Variants in BRIP1 observed in about 807,000 individuals in gnomAD.
BRIP1 encodes the protein BRCA1 interacting DNA helicase 1.
Under a neutral mutation model 119.7 loss-of-function variants are expected in BRIP1, and 88 were observed. That is an observed-to-expected ratio of 0.74 (90% CI 0.62 to 0.88). The LOEUF (loss-of-function observed/expected upper bound fraction) is 0.88, where lower values mean the gene tolerates loss of function less well. BRIP1 is among the 40% of genes least tolerant of loss of function. The pLI, the probability that BRIP1 is intolerant of heterozygous loss-of-function variation, is 0.00. For synonymous variants in BRIP1, 443 were observed against 496.5 expected, an observed-to-expected ratio of 0.89 and a Z score of 1.43; for missense variants, 1,259 against 1,455.4, an observed-to-expected ratio of 0.87 and a Z score of 2.20.
At position 61,754,873 on chromosome 17, in the gene BRIP1, C is replaced by G. The variant is rs2077179507; in HGVS notation, c.2098-10282G>C. ...CTAATCCTATCAGATAAGGAAGGCC[C>G]TTACAGCCTCATTTAACCGCAATTA... is the stretch of plus-strand genomic sequence containing the variant. On this transcript the variant is annotated intron_variant, in intron 14 of 19. Transcript: ENST00000259008. The surrounding 1 kb of genome is among the most constrained non-coding windows in gnomAD (Gnocchi z 4.1). 6.6e-6 allele frequency among the ~76,000 whole-genome samples: 1 copy of G among 152,090 alleles called. No homozygotes were observed. Among genetic ancestry groups the G allele is most frequent in the Admixed American group, 6.6e-5 (1 of 15,250 alleles).
chr17:61,857,372 A>G lies in BRIP1; in HGVS notation c.206-141T>C. 1 of 700,968 alleles carries G rather than the reference A, an allele frequency of 1.4e-6. No homozygotes were observed. The highest frequency in any genetic ancestry group is 1.8e-5 in the African/African-American group (1 of 56,000). The allele number at this position is 700,968 out of a possible 1,614,324, so 43.4% of individuals were successfully genotyped here. A position where few individuals can be genotyped will look rare whatever the true frequency, so the allele number is the denominator to read the frequency against. Reference sequence around the variant, plus strand: ...CTAACACCAGGAAGGTACCTGGCAAACCTGGACAAGCTGGTCACTTTATCT... The same window carrying G: ...CTAACACCAGGAAGGTACCTGGCAAGCCTGGACAAGCTGGTCACTTTATCT... On this transcript the variant is annotated intron_variant, in intron 3 of 19. Coordinates refer to ENST00000259008, the MANE Select transcript of BRIP1 (RefSeq NM_032043.3). The surrounding 1 kb of genome is among the most constrained non-coding windows in gnomAD (Gnocchi z 5.1).
rs2077544200 is a variant in BRIP1 at position 61,776,976 on chromosome 17, A to G, written c.1936-414T>C. Among the ~76,000 whole-genome samples the G allele has an allele frequency of 6.6e-6, 1 of 152,228 alleles. No individual in the cohort carries two copies. The highest frequency in any genetic ancestry group is 2.4e-5 in the African/African-American group (1 of 41,468). On this transcript the variant is annotated intron_variant, in intron 13 of 19. Transcript: ENST00000259008. The surrounding 1 kb of genome is among the most constrained non-coding windows in gnomAD (Gnocchi z 5.0). ...TTGCCATAGGCAAGTCTCAAAAATG[A>G]CAGGAACTACTCTTTCAAAAATTCA...
At chr17:61,784,127 A>G in intron 11 of BRIP1, 143 bp downstream of exon 11, 1 of 721,450 alleles carries the variant, frequency 1.4e-6, no homozygotes. Flanking sequence ...TGTGTCAATA[A>G]GAGCAAATAT....
Position 61,790,784 on chromosome 17 carries a change from G to A in BRIP1, c.1473+2813C>T, listed in dbSNP as rs114370899. 4.1e-3 allele frequency among the ~76,000 whole-genome samples: 623 copies of A among 151,594 alleles called. 1 individual carries two copies. The highest frequency in any genetic ancestry group is 0.012 in the African/African-American group (500 of 41,342). ...CCTCCCAAGTAGCTGGGACTACAGC[G>A]CATGCCACCACACCAGCTAATTTTT... is the stretch of plus-strand genomic sequence containing the variant. On this transcript the variant is annotated intron_variant, in intron 10 of 19. Transcript: ENST00000259008.
At position 61,794,641 on chromosome 17, in the gene BRIP1, T is replaced by G. The variant is rs1173829325; in HGVS notation, c.1341-912A>C. Among the ~76,000 whole-genome samples the G allele has an allele frequency of 2.0e-5, 3 of 151,368 alleles. No homozygotes were observed. The highest frequency in any genetic ancestry group is 2.9e-5 in the Non-Finnish European group (2 of 67,870). On this transcript the variant is annotated intron_variant, in intron 9 of 19. Coordinates refer to ENST00000259008, the MANE Select transcript of BRIP1 (RefSeq NM_032043.3). This position sits in a 1 kb window ranked among gnomAD's most constrained non-coding sequence, Gnocchi z 4.3. ...ATGTACAACAAACCCCCATAACATG[T>G]TTACCTGTATAACAAACCTGCACAT...
In BRIP1 at chr17:61,686,015, A is replaced by G. The variant is rs770966270; in HGVS notation, c.2726T>C (p.Leu909Pro). 1 of 1,614,026 alleles carries G rather than the reference A, an allele frequency of 6.2e-7. No homozygotes were observed. The highest frequency in any genetic ancestry group is 8.5e-7 in the Non-Finnish European group (1 of 1,179,946). The change falls in exon 19 of 20, where the codon CTT (leucine) becomes CCT (proline). Residue 909 changes from leucine to proline, a missense_variant. This residue lies in a region of BRIP1 where 753 missense variants were observed against 891.8 expected (regional missense o/e 0.84). Coordinates refer to ENST00000259008, the MANE Select transcript of BRIP1 (RefSeq NM_032043.3). The surrounding 1 kb of genome is among the most constrained non-coding windows in gnomAD (Gnocchi z 5.4). ...RTNIQDNESTLEVTSLKYSTS... is the reference protein window; with the variant it reads ...RTNIQDNESTPEVTSLKYSTS... Reference sequence around the variant, plus strand: ...ACTGTACTTTAAAGAGGTCACTTCAAGTGTAGACTCATTGTCCTGTATATT... The same window carrying G: ...ACTGTACTTTAAAGAGGTCACTTCAGGTGTAGACTCATTGTCCTGTATATT...
At chr17:61,728,001 G>T (rs1359098086) in intron 16 of BRIP1, among the ~76,000 whole-genome samples, 2 of 151,622 alleles carry the variant, frequency 1.3e-5, no homozygotes, top group Non-Finnish European at 2.9e-5. Flanking sequence ...GCTAATTTTT[G>T]TATTTTTAGT....
In BRIP1 at chr17:61,808,374, G is replaced by T; in HGVS notation, c.918+93C>A. The T allele has an allele frequency of 7.5e-7, 1 of 1,326,474 alleles. No homozygotes were observed. The highest frequency in any genetic ancestry group is 1.1e-6 in the Non-Finnish European group (1 of 936,204). 82.2% of individuals were successfully genotyped at this position (1,326,474 alleles called of 1,614,324 possible). ...GCAGTTAATTTGATTTTCCGAAGTT[G>T]ATTATCACTAAAATGTACATATAAA... On this transcript the variant is annotated intron_variant, in intron 7 of 19. Transcript: ENST00000259008. This position sits in a 1 kb window ranked among gnomAD's most constrained non-coding sequence, Gnocchi z 4.1.
rs2078858588 is a variant in BRIP1 at position 61,853,983 on chromosome 17, G to A, written c.379+3075C>T. ...ATACTGCCACATGCCTATTAGAGTA[G>A]CTAAAATTAAGGCCAGGTATGGTGG... is the stretch of plus-strand genomic sequence containing the variant. On this transcript the variant is annotated intron_variant, in intron 4 of 19. Transcript: ENST00000259008. This position sits in a 1 kb window ranked among gnomAD's most constrained non-coding sequence, Gnocchi z 4.3. Among the ~76,000 whole-genome samples the A allele has an allele frequency of 6.6e-6, 1 of 152,110 alleles. No individual in the cohort carries two copies. The highest frequency in any genetic ancestry group is 6.6e-5 in the Admixed American group (1 of 15,266).
Position 61,717,451 on chromosome 17 carries a change from T to A in BRIP1, c.2380-1388A>T, listed in dbSNP as rs2061897489. Among the ~76,000 whole-genome samples, 1 of 152,140 alleles carries A rather than the reference T, an allele frequency of 6.6e-6. No individual in the cohort carries two copies. Among genetic ancestry groups the A allele is most frequent in the African/African-American group, 2.4e-5 (1 of 41,442 alleles). Reference sequence around the variant, plus strand: ...GCAATGAGTTCTTTCAACTTTTCTTTTTCTGAAAAGACTTCACTATCTTCA... The same window carrying A: ...GCAATGAGTTCTTTCAACTTTTCTTATTCTGAAAAGACTTCACTATCTTCA... On this transcript the variant is annotated intron_variant, in intron 16 of 19. Transcript: ENST00000259008. The surrounding 1 kb of genome is among the most constrained non-coding windows in gnomAD (Gnocchi z 4.1).
At position 61,795,329 on chromosome 17, in the gene BRIP1, C is replaced by T. The variant is rs182903156; in HGVS notation, c.1341-1600G>A. 3.3e-5 allele frequency among the ~76,000 whole-genome samples: 5 copies of T among 151,970 alleles called. No individual in the cohort carries two copies. In the East Asian group the frequency reaches 9.7e-4, roughly 29 times the overall value. ...CACTGTTGTGCTATCAAATACTAGG[C>T]CTTATTCATTCATTCTATTTTTCTT... On this transcript the variant is annotated intron_variant, in intron 9 of 19. Coordinates refer to ENST00000259008, the MANE Select transcript of BRIP1 (RefSeq NM_032043.3). The surrounding 1 kb of genome is among the most constrained non-coding windows in gnomAD (Gnocchi z 5.6).
chr17:61,862,272 T>C lies in BRIP1; in HGVS notation c.-30-703A>G, dbSNP rs1168338583. Among the ~76,000 whole-genome samples the C allele has an allele frequency of 6.6e-6, 1 of 152,232 alleles. No homozygotes were observed. Among genetic ancestry groups the C allele is most frequent in the Non-Finnish European group, 1.5e-5 (1 of 68,038 alleles). On this transcript the variant is annotated intron_variant, in intron 1 of 19. Transcript: ENST00000259008. The surrounding 1 kb of genome is among the most constrained non-coding windows in gnomAD (Gnocchi z 5.3). Reference sequence around the variant, plus strand: ...GAATGCCTTGGCACATAGTAGGCACTCAAAAATGTTATTTGAAGATCAGTA... The same window carrying C: ...GAATGCCTTGGCACATAGTAGGCACCCAAAAATGTTATTTGAAGATCAGTA...
At chr17:61,811,322 C>G (rs2078158213) in intron 6 of BRIP1, among the ~76,000 whole-genome samples, 1 of 151,934 alleles carries the variant, frequency 6.6e-6, no homozygotes, top group East Asian at 2.0e-4. Flanking sequence ...CTCCCAGGTT[C>G]CAGCAAGTCT....
rs1040702643 is a variant in BRIP1 at position 61,679,610 on chromosome 17, T to C, written c.*3686A>G. ...AAATAAGCCAGCCAAATAATTTTTC[T>C]TTCCTCAAATCTTTATTGTCAGTCT... On this transcript the variant is annotated 3_prime_UTR_variant, in exon 20 of 20. Transcript: ENST00000259008. This position sits in a 1 kb window ranked among gnomAD's most constrained non-coding sequence, Gnocchi z 4.4. Among the ~76,000 whole-genome samples the C allele has an allele frequency of 7.2e-5, 11 of 152,226 alleles. No homozygotes were observed. Among genetic ancestry groups the C allele is most frequent in the African/African-American group, 2.7e-4 (11 of 41,464 alleles).
At chr17:61,838,329 G>A (rs1288272499) in intron 6 of BRIP1, among the ~76,000 whole-genome samples, 1 of 151,814 alleles carries the variant, frequency 6.6e-6, no homozygotes, top group Admixed American at 6.6e-5. Context: ...CAAAGTGCTG[G>A]GATTATAGGA....
At chr17:61,707,848 CA>C (rs2061715659) in intron 17 of BRIP1, among the ~76,000 whole-genome samples, 5 of 148,148 alleles carry the variant, frequency 3.4e-5, no homozygotes, top group Non-Finnish European at 5.9e-5. Context: ...ATGGTCTTCA[CA>C]TTTTTTTTTT....
intron 6 of BRIP1, among the ~76,000 whole-genome samples, chr17:61,835,380 A>C (rs2078556426): frequency 6.6e-6 from 1 of 152,234 alleles, no homozygotes; most frequent in African/African-American, 2.4e-5. Context: ...TTGGGGAAAG[A>C]ACTGTAATAA....
chr17:61,847,304 T>A (rs771226152), intron 5 of BRIP1, 84 bp from the exon 6 acceptor site: 12 of 1,468,344 alleles, frequency 8.2e-6, no homozygotes, highest in African/African-American at 1.4e-5. Flanking sequence ...AACAGCTCTA[T>A]GTATTTTTTT....
rs936095982 is a variant in BRIP1 at position 61,798,036 on chromosome 17, C to T, written c.1340+1064G>A. Reference sequence around the variant, plus strand: ...TCTATGCTTTCACCCAACAATTCCACTTCTAAAAAGATTCCTATAGATATA... The same window carrying T: ...TCTATGCTTTCACCCAACAATTCCATTTCTAAAAAGATTCCTATAGATATA... On this transcript the variant is annotated intron_variant, in intron 9 of 19. Coordinates refer to ENST00000259008, the MANE Select transcript of BRIP1 (RefSeq NM_032043.3). The surrounding 1 kb of genome is among the most constrained non-coding windows in gnomAD (Gnocchi z 5.5). 4.6e-5 allele frequency among the ~76,000 whole-genome samples: 7 copies of T among 151,962 alleles called. No individual in the cohort carries two copies. The highest frequency in any genetic ancestry group is 3.8e-4 in the East Asian group (2 of 5,198).
Sources: gnomAD v4.1 joint callset for allele counts (sites outside exome capture counted in the v4.1 genomes callset) on GRCh38, gnomAD v4.1.1 for gene constraint, gnomAD v4.1.1 regional missense constraint, Gnocchi (gnomAD v3.1) non-coding constraint, MANE v1.5 for transcripts, NCBI Gene and HGNC (gene_info 2026-07-23, HGNC 2026-07-21) for gene names.